The following TRPM6 variants were observed in gnomAD, a reference collection of about 807,000 sequenced individuals.
TRPM6 encodes the protein transient receptor potential cation channel subfamily M member 6, also known as channel kinase 2.
A neutral mutation model predicts 247.6 loss-of-function variants in TRPM6; 111 were observed. The ratio of observed to expected loss-of-function variants is 0.45; its 90% CI spans 0.38 to 0.52. The LOEUF is 0.52. Ranked by LOEUF, TRPM6 falls within the 20% of genes least tolerant of loss-of-function variation. The pLI is 0.00. For missense variants in TRPM6, 2,126 were observed against 2,421.5 expected, an observed-to-expected ratio of 0.88 and a Z score of 2.56; for synonymous variants, 892 against 853.8, an observed-to-expected ratio of 1.04 and a Z score of -0.78.
Position 74,816,588 on chromosome 9 carries a change from T to G in TRPM6, c.1308+81A>C. On this transcript the variant is annotated intron_variant, in intron 11 of 38. Transcript: ENST00000360774. Reference sequence around the variant, plus strand: ...CACTTCTACCAAACCAATCAATATCTCCTCTCATTTTCTCTTTTGCCCCTT... The same window carrying G: ...CACTTCTACCAAACCAATCAATATCGCCTCTCATTTTCTCTTTTGCCCCTT... 4.5e-6 allele frequency: 5 copies of G among 1,116,252 alleles called. No individual in the cohort carries two copies. The South Asian group carries it at 6.4e-5, about 14-fold the overall frequency. The allele number at this position is 1,116,252 out of a possible 1,614,324, so 69.1% of individuals were successfully genotyped here.
In TRPM6 at chr9:74,864,945, C is replaced by T. The variant is rs541092793; in HGVS notation, c.34-6197G>A. Among the ~76,000 whole-genome samples the T allele has an allele frequency of 1.6e-4, 25 of 151,822 alleles. 1 individual carries two copies. In the East Asian group the frequency reaches 4.1e-3, roughly 25 times the overall value. On this transcript the variant is annotated intron_variant, in intron 1 of 38. Coordinates refer to ENST00000360774, the MANE Select transcript of TRPM6 (RefSeq NM_017662.5). The stretch of plus-strand genomic sequence containing the variant: ...AAAATTAGCCACGCGCAGTCGTGGG[C>T]GCCTGTAATCCCAGCTACTCAGGAG...
At chr9:74,782,636 A>G in intron 22 of TRPM6, 43 bp downstream of exon 22, 1 of 1,604,776 alleles carries the variant, frequency 6.2e-7, no homozygotes, top group Non-Finnish European at 8.5e-7. Context: ...CTTGTTAACT[A>G]TGAAGGCACA....
chr9:74,842,212 A>G lies in TRPM6; in HGVS notation c.284T>C (p.Phe95Ser). Residue 95 changes from phenylalanine (F) to serine (S), a missense_variant, in exon 4 of 39, where the codon TTT becomes TCT. Physicochemically the swap from Phe to Ser is radical, Grantham distance 155. Coordinates refer to ENST00000360774, the MANE Select transcript of TRPM6 (RefSeq NM_017662.5). ...KHTTKSPTDT[F>S]GTINFQDGEH... The stretch of plus-strand genomic sequence containing the variant: ...TCCATCTTGGAAATTAATCGTGCCA[A>G]AAGTATCTGTTGGGCTTTTCGTTGT... The G allele has an allele frequency of 1.2e-6, 2 of 1,614,060 alleles. No individual in the cohort carries two copies. The highest frequency in any genetic ancestry group is 8.5e-7 in the Non-Finnish European group (1 of 1,180,018).
intron 9 of TRPM6, among the ~76,000 whole-genome samples, chr9:74,817,382 G>T (rs368574945): frequency 2.0e-5 from 3 of 152,040 alleles, no homozygotes; most frequent in Non-Finnish European, 4.4e-5. Flanking sequence ...TAGAGACAAG[G>T]TCTCACTATA....
In TRPM6 at chr9:74,842,239, T is replaced by A. The variant is rs1435562697; in HGVS notation, c.257A>T (p.His86Leu). 6.2e-7 allele frequency: 1 copy of A among 1,614,202 alleles called. No individual in the cohort carries two copies. The highest frequency in any genetic ancestry group is 8.5e-7 in the Non-Finnish European group (1 of 1,180,042). ...KESEQWSVEK[H>L]TTKSPTDTFG... ...AGTATCTGTTGGGCTTTTCGTTGTG[T>A]GCTTTTCAACAGACCATTGTTCACT... Residue 86 changes from histidine to leucine, a missense_variant, in exon 4 of 39, where the codon CAC (histidine) becomes CTC (leucine). His to Leu is a moderately conservative substitution (Grantham distance 99). This residue lies in a region of TRPM6 where 1,082 missense variants were observed against 1,307.9 expected (regional missense o/e 0.83). Coordinates refer to ENST00000360774, the MANE Select transcript of TRPM6 (RefSeq NM_017662.5).
Position 74,771,725 on chromosome 9 carries a change from G to C in TRPM6, c.3514C>G (p.Arg1172Gly). The C allele has an allele frequency of 1.9e-6, 3 of 1,613,782 alleles. No individual in the cohort carries two copies. Among genetic ancestry groups the C allele is most frequent in the Non-Finnish European group, 2.5e-6 (3 of 1,179,944 alleles). ...MEDVNCSCEE[R>G]IRVTSERVTE... ...TACCTTTCTGATGTCACTCGGATTC[G>C]TTCCTCACAACTACAATTCACATCT... is the stretch of plus-strand genomic sequence containing the variant. Residue 1172 changes from arginine to glycine, a missense_variant, in exon 25 of 39, where the codon CGA becomes GGA. Around this residue, in one of 3 missense-constraint regions of TRPM6, gnomAD observed 717 missense variants for 715.9 expected, o/e 1.00. Transcript: ENST00000360774.
At chr9:74,787,562 C>A (rs1449091268) in intron 20 of TRPM6, among the ~76,000 whole-genome samples, 1 of 151,876 alleles carries the variant, frequency 6.6e-6, no homozygotes, top group Non-Finnish European at 1.5e-5. Flanking sequence ...GGTATAATTA[C>A]AAAGAAGTAT....
chr9:74,785,758 T>C lies in TRPM6; in HGVS notation c.2919+116A>G, dbSNP rs556780416. ...CAGGATGTTCTTGATCTCCTGACCTTGTGATCCGCCCGCCTTGGCCTCCCA... is the reference window on the plus strand; with the variant it reads ...CAGGATGTTCTTGATCTCCTGACCTCGTGATCCGCCCGCCTTGGCCTCCCA... On this transcript the variant is annotated intron_variant, in intron 21 of 38. Coordinates refer to ENST00000360774, the MANE Select transcript of TRPM6 (RefSeq NM_017662.5). The C allele has an allele frequency of 4.8e-4, 551 of 1,136,608 alleles. 2 individuals carry two copies. The highest frequency in any genetic ancestry group is 3.6e-3 in the Middle Eastern group (13 of 3,624). 70.4% of individuals were successfully genotyped at this position (1,136,608 alleles called of 1,614,324 possible). A position where few individuals can be genotyped will look rare whatever the true frequency, so the allele number is the denominator to read the frequency against.
In TRPM6 at chr9:74,765,155, A is replaced by C. The variant is rs184025296; in HGVS notation, c.3537-2021T>G. On this transcript the variant is annotated intron_variant, in intron 25 of 38. Transcript: ENST00000360774. ...TTGTGAGATAGAATATTATGCATCC[A>C]TTAAAAATCATACATTGTTGATAAT... is the stretch of plus-strand genomic sequence containing the variant. 1.8e-3 allele frequency among the ~76,000 whole-genome samples: 269 copies of C among 152,346 alleles called. 1 individual carries two copies. The highest frequency in any genetic ancestry group is 3.4e-3 in the Middle Eastern group (1 of 294).
chr9:74,837,404 G>A (rs1246551700), intron 5 of TRPM6, among the ~76,000 whole-genome samples: 1 of 152,156 alleles, frequency 6.6e-6, no homozygotes, highest in East Asian at 1.9e-4. Flanking sequence ...CCATAGAGGA[G>A]CTGTGGTTGA....
chr9:74,725,438 A>T (rs1435062783), intron 38 of TRPM6, among the ~76,000 whole-genome samples: 1 of 152,152 alleles, frequency 6.6e-6, no homozygotes, highest in African/African-American at 2.4e-5. Context: ...ATAATAAAAC[A>T]ATCAACATTT....
chr9:74,747,144 C>T (rs1199701859), intron 31 of TRPM6, among the ~76,000 whole-genome samples: 2 of 152,154 alleles, frequency 1.3e-5, no homozygotes, highest in African/African-American at 4.8e-5. Flanking sequence ...ATGGGGCACA[C>T]CCCATGGGCT....
intron 27 of TRPM6, among the ~76,000 whole-genome samples, chr9:74,759,824 G>A (rs1826560351): frequency 6.6e-6 from 1 of 151,040 alleles, no homozygotes; most frequent in South Asian, 2.1e-4. Flanking sequence ...AAATTAAAAG[G>A]CAAACCACTG....
chr9:74,872,623 T>TGTGTGTGC (rs1032728759), intron 1 of TRPM6, among the ~76,000 whole-genome samples: 1 of 151,672 alleles, frequency 6.6e-6, no homozygotes, highest in African/African-American at 2.4e-5. Context: ...TGTGTGTGTG[T>TGTGTGTGC]GCATGCGCGC....
intron 1 of TRPM6, among the ~76,000 whole-genome samples, chr9:74,886,639 G>A (rs74454365): frequency 0.021 from 3,226 of 152,066 alleles, 132 homozygotes; most frequent in African/African-American, 0.075. Flanking sequence ...GGGAGAGACA[G>A]GATACTTGGA....
At chr9:74,812,523 A>T in intron 11 of TRPM6, 90 bp from the exon 12 acceptor site, 1 of 1,255,050 alleles carries the variant, frequency 8.0e-7, no homozygotes, top group Non-Finnish European at 1.1e-6. Context: ...AAATTACACA[A>T]ACACAATAAT....
intron 24 of TRPM6, 33 bp downstream of exon 24, chr9:74,775,850 T>C (rs1481100560): frequency 6.2e-7 from 1 of 1,611,202 alleles, no homozygotes; most frequent in Non-Finnish European, 8.5e-7. Context: ...TACTTTTTGC[T>C]CTCTTTCTCC....
intron 29 of TRPM6, among the ~76,000 whole-genome samples, chr9:74,751,778 C>T (rs1826255803): frequency 6.6e-6 from 1 of 152,148 alleles, no homozygotes; most frequent in Non-Finnish European, 1.5e-5. Flanking sequence ...TCAGCCTATG[C>T]TTGACTGATC....
chr9:74,837,748 CTTTTTT>C (rs3056761), intron 5 of TRPM6, among the ~76,000 whole-genome samples: 6 of 137,382 alleles, frequency 4.4e-5, no homozygotes, highest in Non-Finnish European at 6.1e-5. Context: ...GCCCGGCCCC[CTTTTTT>C]TTTTTTTTTT....
Sources: allele counts gnomAD v4.1 joint callset (sites outside exome capture counted in the v4.1 genomes callset), GRCh38; gene constraint gnomAD v4.1.1; regional missense constraint gnomAD v4.1.1; transcripts MANE v1.5; gene names NCBI Gene and HGNC (gene_info 2026-07-23, HGNC 2026-07-21).